Variants in NFIB observed in about 807,000 individuals in gnomAD.
NFIB encodes nuclear factor I B.
In NFIB, 11 loss-of-function variants were observed where a neutral mutation model predicts 61.5. The ratio of observed to expected loss-of-function variants is 0.18; its 90% CI spans 0.11 to 0.30. The LOEUF (loss-of-function observed/expected upper bound fraction) is 0.30. Ranked by LOEUF, NFIB falls within the 10% of genes least tolerant of loss-of-function variation. The pLI is 1.00. For missense variants in NFIB, 471 were observed against 608.9 expected (o/e 0.77, Z 2.38); for synonymous variants, 260 against 216.5 (o/e 1.20, Z -1.76).
intron 1 of NFIB, among the ~76,000 whole-genome samples, chr9:14,319,766 C>T (rs965030950): frequency 2.8e-4 from 42 of 152,138 alleles, no homozygotes; most frequent in African/African-American, 7.5e-4. Context: ...CTTTCTGCAC[C>T]CCTTTCTCTC....
chr9:14,526,125 C>T, the NFIB span, among the ~76,000 whole-genome samples: 12 of 152,042 alleles, frequency 7.9e-5, no homozygotes, highest in Non-Finnish European at 8.8e-5. Context: ...TCCCAGGATT[C>T]AGCCCTGTGC....
chr9:14,281,912 C>T (rs1356941122), intron 2 of NFIB, among the ~76,000 whole-genome samples: 5 of 151,946 alleles, frequency 3.3e-5, no homozygotes, highest in Non-Finnish European at 5.9e-5. Flanking sequence ...TTTATAAATG[C>T]CCAGAGGAAC....
At chr9:14,205,643 G>A (rs769165287) in intron 2 of NFIB, among the ~76,000 whole-genome samples, 1 of 152,104 alleles carries the variant, frequency 6.6e-6, no homozygotes, top group Non-Finnish European at 1.5e-5. Flanking sequence ...AGTGATTACT[G>A]TTTGGTAATC....
At chr9:14,424,030 G>A in the NFIB span, among the ~76,000 whole-genome samples, 2 of 151,894 alleles carry the variant, frequency 1.3e-5, no homozygotes, top group African/African-American at 4.8e-5. Flanking sequence ...AGGGGTGGGG[G>A]CTGGGTATGC....
At chr9:14,248,721 A>C (rs748418784) in intron 2 of NFIB, among the ~76,000 whole-genome samples, 14 of 152,200 alleles carry the variant, frequency 9.2e-5, no homozygotes, top group Non-Finnish European at 1.8e-4. Flanking sequence ...CAAAGAGAAG[A>C]AAGCACCAGT....
intron 2 of NFIB, among the ~76,000 whole-genome samples, chr9:14,187,645 G>C (rs1456076492): frequency 1.3e-5 from 2 of 151,808 alleles, no homozygotes; most frequent in Non-Finnish European, 2.9e-5. Flanking sequence ...CCACTTTTTT[G>C]CTTAACAAGG....
chr9:14,267,000 C>T (rs374442383), intron 2 of NFIB, among the ~76,000 whole-genome samples: 1 of 152,016 alleles, frequency 6.6e-6, no homozygotes, highest in African/African-American at 2.4e-5. Context: ...GGAAAACAGA[C>T]AAATGAAAAC....
intron 6 of NFIB, among the ~76,000 whole-genome samples, chr9:14,135,652 C>T (rs1289497585): frequency 6.6e-6 from 1 of 151,996 alleles, no homozygotes; most frequent in East Asian, 1.9e-4. Flanking sequence ...AATTAGCTGC[C>T]ATGTTAAGAA....
Position 14,150,225 on chromosome 9 carries a change from T to G in NFIB, c.726A>C (p.Gly242=). The G allele has an allele frequency of 6.2e-7, 1 of 1,613,548 alleles. No individual in the cohort carries two copies. Among genetic ancestry groups the G allele is most frequent in the South Asian group, 1.1e-5 (1 of 91,078 alleles). ...GATAGTATGGTTGGCTTGGGATTTCTCCAATTGGGAAGTTGACTCCAGTTC... is the reference window on the plus strand; with the variant it reads ...GATAGTATGGTTGGCTTGGGATTTCGCCAATTGGGAAGTTGACTCCAGTTC... ...TQGTGVNFPI[G]EIPSQPYYHD... The change falls in exon 5 of 11, where the codon GGA becomes GGC. Residue 242 remains glycine (G), a synonymous_variant. Transcript: ENST00000380953.
intron 2 of NFIB, among the ~76,000 whole-genome samples, chr9:14,187,005 C>CG (rs2047406678): frequency 3.1e-5 from 2 of 64,062 alleles, no homozygotes; most frequent in Non-Finnish European, 8.6e-5. Context: ...TTCTTCGCTC[C>CG]TGTGTGTGTG....
chr9:14,282,656 T>C (rs1283391390), intron 2 of NFIB, among the ~76,000 whole-genome samples: 1 of 152,184 alleles, frequency 6.6e-6, no homozygotes, highest in African/African-American at 2.4e-5. Flanking sequence ...TTGGTCTTCT[T>C]AACAATCTGA....
chr9:14,180,577 G>C (rs1348575257), intron 2 of NFIB: 1 of 152,242 alleles, frequency 6.6e-6, no homozygotes, highest in Non-Finnish European at 1.5e-5. Context: ...ATCTGACACT[G>C]TTGTGTTTTG....
chr9:14,485,254 G>A, the NFIB span, among the ~76,000 whole-genome samples: 2 of 152,154 alleles, frequency 1.3e-5, no homozygotes, highest in Non-Finnish European at 2.9e-5. Context: ...CTAGGGAAGG[G>A]ATATTACAAA....
the NFIB span, among the ~76,000 whole-genome samples, chr9:14,442,758 T>C: frequency 6.6e-6 from 1 of 152,174 alleles, no homozygotes; most frequent in Non-Finnish European, 1.5e-5. Flanking sequence ...CTGAATAAGG[T>C]CACATTCTGA....
chr9:14,414,236 G>A, the NFIB span, among the ~76,000 whole-genome samples: 2 of 151,946 alleles, frequency 1.3e-5, no homozygotes, highest in Admixed American at 6.6e-5. Context: ...AAGAGATTGA[G>A]ACCCCATGGC....
At chr9:14,182,516 G>C (rs763626674) in intron 2 of NFIB, among the ~76,000 whole-genome samples, 7 of 152,148 alleles carry the variant, frequency 4.6e-5, no homozygotes, top group Non-Finnish European at 1.0e-4. Context: ...TAACCAGGGA[G>C]TCGTGGTTGG....
intron 10 of NFIB, among the ~76,000 whole-genome samples, chr9:14,092,517 C>T (rs2034087851): frequency 2.6e-5 from 4 of 151,984 alleles, no homozygotes; most frequent in African/African-American, 9.7e-5. Flanking sequence ...CTGGCCATTT[C>T]ACTATATTAT....
chr9:14,328,774 T>C (rs1476890527), intron 1 of NFIB, among the ~76,000 whole-genome samples: 1 of 152,202 alleles, frequency 6.6e-6, no homozygotes, highest in Admixed American at 6.5e-5. Flanking sequence ...GGTCACAGAA[T>C]TGTAAAGTTG....
intron 1 of NFIB, among the ~76,000 whole-genome samples, chr9:14,349,830 T>C (rs2061083357): frequency 6.6e-6 from 1 of 152,164 alleles, no homozygotes; most frequent in Non-Finnish European, 1.5e-5. Context: ...AAAAGACGGC[T>C]CAGAACGCTT....
Sources: gnomAD v4.1 joint callset for allele counts (sites outside exome capture counted in the v4.1 genomes callset) on GRCh38, gnomAD v4.1.1 for gene constraint, MANE v1.5 for transcripts, NCBI Gene and HGNC (gene_info 2026-07-23, HGNC 2026-07-21) for gene names.